The following PRR16 variants were observed in gnomAD, a reference collection of about 807,000 sequenced individuals.
PRR16 encodes proline rich 16.
PRR16 carries 6 observed loss-of-function variants against 18.2 expected under a neutral mutation model. That is an observed-to-expected ratio of 0.33 (90% confidence interval 0.18 to 0.65). The LOEUF is 0.65. Ranked by LOEUF, PRR16 falls within the 30% of genes least tolerant of loss-of-function variation. The pLI is 0.74. For missense variants in PRR16, 412 were observed against 376.6 expected, an observed-to-expected ratio of 1.09 and a Z score of -0.78; for synonymous variants, 151 against 147.8, an observed-to-expected ratio of 1.02 and a Z score of -0.16.
chr5:120,475,520 T>C (rs142964245), intron 1 of PRR16, among the ~76,000 whole-genome samples: 2 of 152,114 alleles, frequency 1.3e-5, no homozygotes, highest in African/African-American at 2.4e-5. Context: ...GGAGGATTGC[T>C]TGAGGCCAGG....
At chr5:120,637,792 G>A (rs886899715) in intron 1 of PRR16, among the ~76,000 whole-genome samples, 2 of 152,112 alleles carry the variant, frequency 1.3e-5, no homozygotes, top group African/African-American at 4.8e-5. Context: ...CTGCATTCAT[G>A]CCACCACACT....
chr5:120,691,836 T>C (rs187732429), downstream of PRR16, among the ~76,000 whole-genome samples: 7 of 152,218 alleles, frequency 4.6e-5, no homozygotes, highest in Admixed American at 3.9e-4. Flanking sequence ...AGACACATGC[T>C]ATCTAATCCT....
chr5:120,686,557 C>T lies in PRR16; in HGVS notation c.763C>T (p.Pro255Ser). The change falls in exon 2 of 2, where the codon CCC becomes TCC. Residue 255 changes from proline (P) to serine (S), a missense_variant. Transcript: ENST00000407149. ...PHQGPPLPPT[P>S]HLPPFPLENG... ...CCAAGGCCCTCCCCTCCCTCCTACA[C>T]CCCATCTCCCTCCTTTCCCACTAGA... is the stretch of plus-strand genomic sequence containing the variant. 6.2e-7 allele frequency: 1 copy of T among 1,613,830 alleles called. No individual in the cohort carries two copies. Among genetic ancestry groups the T allele is most frequent in the Non-Finnish European group, 8.5e-7 (1 of 1,179,898 alleles).
the PRR16 span, among the ~76,000 whole-genome samples, chr5:120,782,990 TAAG>T: frequency 1.1e-4 from 16 of 152,248 alleles, no homozygotes; most frequent in Admixed American, 5.9e-4. Flanking sequence ...ATCCTCAATA[TAAG>T]AAGAACTTAC....
the PRR16 span, among the ~76,000 whole-genome samples, chr5:120,730,529 A>G: frequency 6.6e-6 from 1 of 152,204 alleles, no homozygotes. Flanking sequence ...GTGAAGGTTC[A>G]TGAAGAGGAG....
intron 1 of PRR16, among the ~76,000 whole-genome samples, chr5:120,631,915 G>A (rs1755067629): frequency 6.6e-6 from 1 of 152,142 alleles, no homozygotes; most frequent in African/African-American, 2.4e-5. Flanking sequence ...CCTCCTGGCT[G>A]GAGGCCAACC....
chr5:120,464,663 G>T lies in PRR16; in HGVS notation c.159+18G>T. 1 of 1,541,684 alleles carries T rather than the reference G, an allele frequency of 6.5e-7. No homozygotes were observed. Among genetic ancestry groups the T allele is most frequent in the Non-Finnish European group, 8.7e-7 (1 of 1,149,410 alleles). ...TTAAGGAGGTGAGAGGCGCAGGGGT[G>T]GGGAGGGAGTTCGGCACCCTTCGAC... On this transcript the variant is annotated intron_variant, in intron 1 of 1. Coordinates refer to ENST00000407149, the MANE Select transcript of PRR16 (RefSeq NM_001300783.2).
At chr5:120,641,944 A>G (rs942629447) in intron 1 of PRR16, among the ~76,000 whole-genome samples, 4 of 151,992 alleles carry the variant, frequency 2.6e-5, no homozygotes, top group African/African-American at 7.2e-5. Flanking sequence ...CCTCAAACCT[A>G]CTGCTCTTTA....
At chr5:120,508,569 A>G (rs1294122783) in intron 1 of PRR16, among the ~76,000 whole-genome samples, 1 of 152,150 alleles carries the variant, frequency 6.6e-6, no homozygotes, top group Non-Finnish European at 1.5e-5. Flanking sequence ...GAAAGGCTTT[A>G]GAACAATGGT....
intron 1 of PRR16, among the ~76,000 whole-genome samples, chr5:120,494,036 CTACAA>C (rs1478384145): frequency 2.0e-5 from 3 of 152,116 alleles, no homozygotes. Context: ...TTTTATTTCT[CTACAA>C]TAAATGTCCA....
chr5:120,481,684 T>A (rs1053663894), intron 1 of PRR16, among the ~76,000 whole-genome samples: 1 of 152,154 alleles, frequency 6.6e-6, no homozygotes, highest in African/African-American at 2.4e-5. Context: ...TTCTGCACAT[T>A]TAAGAGAAGT....
At chr5:120,527,596 T>C (rs1234376297) in intron 1 of PRR16, among the ~76,000 whole-genome samples, 1 of 152,212 alleles carries the variant, frequency 6.6e-6, no homozygotes, top group Non-Finnish European at 1.5e-5. Flanking sequence ...TGTCTGAACA[T>C]ATTTAGATGT....
chr5:120,711,882 T>C, the PRR16 span, among the ~76,000 whole-genome samples: 4 of 152,210 alleles, frequency 2.6e-5, no homozygotes, highest in Admixed American at 1.3e-4. Flanking sequence ...GGAATGTGTC[T>C]CTATGGAGCC....
At chr5:120,705,539 A>T in the PRR16 span, among the ~76,000 whole-genome samples, 1 of 152,182 alleles carries the variant, frequency 6.6e-6, no homozygotes, top group African/African-American at 2.4e-5. Context: ...TTTTCTGTTC[A>T]TTATGTTTTT....
At position 120,517,450 on chromosome 5, in the gene PRR16, T is replaced by C. The variant is rs1296027073; in HGVS notation, c.159+52805T>C. 2.0e-5 allele frequency among the ~76,000 whole-genome samples: 3 copies of C among 152,126 alleles called. No individual in the cohort carries two copies. In the East Asian group the frequency reaches 5.8e-4, roughly 30 times the overall value. On this transcript the variant is annotated intron_variant, in intron 1 of 1. Transcript: ENST00000407149. ...TTGCTTGTATTCCTGGAGACATATG[T>C]TTTTTTAAAAAACCTTTTCACATAT...
At chr5:120,524,019 A>G (rs138382330) in intron 1 of PRR16, among the ~76,000 whole-genome samples, 227 of 152,256 alleles carry the variant, frequency 1.5e-3, no homozygotes, top group African/African-American at 5.1e-3. Flanking sequence ...CCAGGAGCCA[A>G]ACTAGAAAGA....
intron 1 of PRR16, among the ~76,000 whole-genome samples, chr5:120,623,933 A>T (rs1754777903): frequency 6.6e-6 from 1 of 151,996 alleles, no homozygotes; most frequent in Admixed American, 6.6e-5. Flanking sequence ...TTTGTATATA[A>T]CAACTATTAA....
intron 1 of PRR16, among the ~76,000 whole-genome samples, chr5:120,497,383 G>GTT (rs772458976): frequency 2.8e-5 from 3 of 106,948 alleles, no homozygotes; most frequent in Non-Finnish European, 3.7e-5. Context: ...TTGATGAACT[G>GTT]ATTTTTTTTT....
intron 1 of PRR16, among the ~76,000 whole-genome samples, chr5:120,568,744 T>A (rs998655546): frequency 1.3e-5 from 2 of 152,148 alleles, no homozygotes; most frequent in Non-Finnish European, 2.9e-5. Context: ...AAATTTTTTT[T>A]AAGTGATTCA....
Sources: gnomAD v4.1 joint callset for allele counts (sites outside exome capture counted in the v4.1 genomes callset) on GRCh38, gnomAD v4.1.1 for gene constraint, MANE v1.5 for transcripts, NCBI Gene and HGNC (gene_info 2026-07-23, HGNC 2026-07-21) for gene names.